Variants in KDM5B observed in about 807,000 individuals in gnomAD.
The protein encoded by KDM5B is lysine-specific demethylase 5B.
A neutral mutation model predicts 193.4 loss-of-function variants in KDM5B; 144 were observed. The ratio of observed to expected loss-of-function variants is 0.74; its 90% CI spans 0.65 to 0.86. KDM5B has a LOEUF of 0.86. KDM5B is among the 40% of genes least tolerant of loss of function. The pLI is 0.00. For missense variants in KDM5B, 1,833 were observed against 1,886.9 expected (o/e 0.97, Z 0.53); for synonymous variants, 668 against 682.6 (o/e 0.98, Z 0.33).
chr1:202,803,980 G>A (rs1446711726), intron 1 of KDM5B, among the ~76,000 whole-genome samples: 1 of 151,476 alleles, frequency 6.6e-6, no homozygotes, highest in Admixed American at 6.6e-5. Flanking sequence ...TATACCTAAT[G>A]TAAATGATGA....
At chr1:202,796,508 T>G (rs1657853639) in intron 1 of KDM5B, 1 of 189,300 alleles carries the variant, frequency 5.3e-6, no homozygotes, top group African/African-American at 2.4e-5. Flanking sequence ...CCTTGGTAGC[T>G]GGTGTGCTGG....
chr1:202,750,856 A>C, intron 12 of KDM5B, 78 bp from the exon 13 acceptor site: 1 of 1,424,862 alleles, frequency 7.0e-7, no homozygotes, highest in Non-Finnish European at 9.5e-7. Flanking sequence ...GACACAGTCT[A>C]TTAGATAATT....
At chr1:202,803,115 T>G (rs1023142450) in intron 1 of KDM5B, among the ~76,000 whole-genome samples, 2 of 151,992 alleles carry the variant, frequency 1.3e-5, no homozygotes, top group African/African-American at 4.8e-5. Context: ...GAGCCTTGAT[T>G]GCAACACTGC....
intron 20 of KDM5B, 101 bp from the exon 21 acceptor site, chr1:202,736,493 A>G: frequency 1.2e-6 from 1 of 810,802 alleles, no homozygotes; most frequent in Non-Finnish European, 1.8e-6. Context: ...ACTTCAGATT[A>G]CTCCATGATC....
At chr1:202,766,528 A>G in intron 5 of KDM5B, 1 of 432,918 alleles carries the variant, frequency 2.3e-6, no homozygotes, top group Non-Finnish European at 4.5e-6. Context: ...AAGAAGTCTG[A>G]GAAAAGTGGC....
At chr1:202,742,201 A>G (rs532027771) in intron 18 of KDM5B, among the ~76,000 whole-genome samples, 190 bp downstream of exon 18, 1 of 152,260 alleles carries the variant, frequency 6.6e-6, no homozygotes, top group East Asian at 1.9e-4. Flanking sequence ...AAAATTTCCA[A>G]CTTTATTTCC....
In KDM5B at chr1:202,808,122, A is replaced by T; in HGVS notation, c.184T>A (p.Cys62Ser). The part of the protein sequence containing the change: ...IRPIAEQTGI[C>S]KVRPPPDWQP... Reference sequence around the variant, plus strand: ...CTCACCGGCGGCGGCCGCACCTTACAGATGCCAGTCTGCTCGGCTATGGGC... The same window carrying T: ...CTCACCGGCGGCGGCCGCACCTTACTGATGCCAGTCTGCTCGGCTATGGGC... The change falls in exon 1 of 27, where the codon TGT becomes AGT. Residue 62 changes from cysteine to serine, a missense_variant. Cys to Ser is a moderately radical substitution (Grantham distance 112). Transcript: ENST00000367265. The T allele has an allele frequency of 6.2e-7, 1 of 1,611,688 alleles. No individual in the cohort carries two copies. Among genetic ancestry groups the T allele is most frequent in the Non-Finnish European group, 8.5e-7 (1 of 1,179,156 alleles).
At chr1:202,781,094 T>A (rs1446866572) in intron 1 of KDM5B, among the ~76,000 whole-genome samples, 2 of 152,056 alleles carry the variant, frequency 1.3e-5, no homozygotes, top group East Asian at 3.9e-4. Context: ...AGCAGGAGGA[T>A]CACTTGAAGC....
rs551398337 is a variant in KDM5B, at chr1:202,743,209, C to A, written c.2324-404G>T. Among the ~76,000 whole-genome samples the A allele has an allele frequency of 3.3e-5, 5 of 152,104 alleles. No individual in the cohort carries two copies. In the East Asian group the frequency reaches 9.7e-4, roughly 29 times the overall value. The stretch of plus-strand genomic sequence containing the variant: ...GAACTTAGCCAGCCATGGTGGCACA[C>A]AACTGTAGTCCCAACTATTTGACAA... On this transcript the variant is annotated intron_variant, in intron 16 of 26. Coordinates refer to ENST00000367265, the MANE Select transcript of KDM5B (RefSeq NM_006618.5).
intron 1 of KDM5B, among the ~76,000 whole-genome samples, chr1:202,801,167 C>G (rs2363960): frequency 0.7 from 106,313 of 152,050 alleles, 39,240 homozygotes; most frequent in Non-Finnish European, 0.82. Context: ...GTGTATGCTT[C>G]ACATTTTTTG....
At chr1:202,770,386 T>C (rs1656662524) in intron 4 of KDM5B, among the ~76,000 whole-genome samples, 1 of 152,170 alleles carries the variant, frequency 6.6e-6, no homozygotes, top group African/African-American at 2.4e-5. Context: ...AAATTTAACT[T>C]ACACCCTACT....
In KDM5B at chr1:202,731,937, T is replaced by A. The variant is rs1654900078; in HGVS notation, c.3912A>T (p.Val1304=). The part of the protein sequence containing the change: ...SAGQVSDTNK[V]SQPPGTTSFS... ...ATGATGTTGTGCCAGGAGGTTGAGA[T>A]ACCTAATGGAGGGAAAACGTTTTAT... is the stretch of plus-strand genomic sequence containing the variant. The change falls in exon 24 of 27, where the codon GTA becomes GTT. Residue 1304 remains valine (V), a splice_region_variant and synonymous_variant. Coordinates refer to ENST00000367265, the MANE Select transcript of KDM5B (RefSeq NM_006618.5). 3 of 1,601,634 alleles carry A rather than the reference T, an allele frequency of 1.9e-6. No homozygotes were observed. The highest frequency in any genetic ancestry group is 2.6e-6 in the Non-Finnish European group (3 of 1,170,816).
In KDM5B at chr1:202,793,239, A is replaced by C. The variant is rs533905710; in HGVS notation, c.204+14863T>G. On this transcript the variant is annotated intron_variant, in intron 1 of 26. Transcript: ENST00000367265. Reference sequence around the variant, plus strand: ...AAATGGATCTGCCTTAGCAGCAAAAACCAACAAATATGTTGCTTTTGTTTT... The same window carrying C: ...AAATGGATCTGCCTTAGCAGCAAAACCCAACAAATATGTTGCTTTTGTTTT... Among the ~76,000 whole-genome samples, 13 of 152,290 alleles carry C rather than the reference A, an allele frequency of 8.5e-5. No individual in the cohort carries two copies. The South Asian group carries it at 2.7e-3, about 32-fold the overall frequency.
chr1:202,753,802 T>C (rs1458087781), intron 11 of KDM5B, among the ~76,000 whole-genome samples: 1 of 151,588 alleles, frequency 6.6e-6, no homozygotes, highest in African/African-American at 2.4e-5. Flanking sequence ...CCCGAGTAGC[T>C]AGTATTACAG....
Position 202,733,331 on chromosome 1 carries a change from C to CTG in KDM5B, c.3909+69_3909+70insCA, listed in dbSNP as rs945687688. ...CACCAAGGGAATAGCAACACCAAAG[C>CTG]TACAGGTTCGAGAGAAAGGTACAGA... On this transcript the variant is annotated intron_variant, in intron 23 of 26. Transcript: ENST00000367265. The CTG allele has an allele frequency of 6.5e-6, 10 of 1,539,372 alleles. No homozygotes were observed. The Admixed American group carries it at 1.9e-4, about 29-fold the overall frequency.
intron 1 of KDM5B, among the ~76,000 whole-genome samples, chr1:202,805,730 G>T (rs1223423344): frequency 6.6e-6 from 1 of 152,154 alleles, no homozygotes; most frequent in Non-Finnish European, 1.5e-5. Flanking sequence ...AAACAAAACA[G>T]TTTCTAAAAC....
chr1:202,799,021 G>A (rs1045800432), intron 1 of KDM5B, among the ~76,000 whole-genome samples: 4 of 151,954 alleles, frequency 2.6e-5, no homozygotes, highest in South Asian at 2.1e-4. Flanking sequence ...CTCTGTCCCC[G>A]GGGGACAAGG....
chr1:202,777,179 G>A (rs1656991232), intron 1 of KDM5B, 85 bp from the exon 2 acceptor site: 4 of 1,046,524 alleles, frequency 3.8e-6, no homozygotes, highest in African/African-American at 3.2e-5. Context: ...ACCCAGGTTA[G>A]GTAAATCTTA....
chr1:202,783,294 G>A (rs1328287565), intron 1 of KDM5B, among the ~76,000 whole-genome samples: 1 of 151,156 alleles, frequency 6.6e-6, no homozygotes, highest in African/African-American at 2.4e-5. Context: ...AGAGAAAAGA[G>A]AAGAGACCAG....
Sources: gnomAD v4.1 joint callset for allele counts (sites outside exome capture counted in the v4.1 genomes callset) on GRCh38, gnomAD v4.1.1 for gene constraint, MANE v1.5 for transcripts, NCBI Gene and HGNC (gene_info 2026-07-23, HGNC 2026-07-21) for gene names.